The following OSBP2 variants were observed in gnomAD, a reference collection of about 807,000 sequenced individuals.
OSBP2 encodes oxysterol-binding protein 2.
OSBP2 carries 66 observed loss-of-function variants against 96.0 expected under a neutral mutation model. That is an observed-to-expected ratio of 0.69 (90% CI 0.56 to 0.84). The LOEUF (loss-of-function observed/expected upper bound fraction) is 0.84, where lower values mean the gene tolerates loss of function less well. OSBP2 is among the 40% of genes least tolerant of loss of function. OSBP2 has a pLI of 0.00. For synonymous variants in OSBP2, 525 were observed against 520.9 expected (o/e 1.01, Z -0.11); for missense variants, 1,038 against 1,222.7 (o/e 0.85, Z 2.25).
rs376447794 is a variant in OSBP2, at chr22:30,757,718, T to G, written c.853+16349T>G. 2.6e-5 allele frequency among the ~76,000 whole-genome samples: 4 copies of G among 151,966 alleles called. 1 individual carries two copies. In the East Asian group the frequency reaches 5.8e-4, roughly 22 times the overall value. Reference sequence around the variant, plus strand: ...CAGACATGAGCCACTGCACCCAGCCTTATTGCTGTTTTGTCACTCCTGTAG... The same window carrying G: ...CAGACATGAGCCACTGCACCCAGCCGTATTGCTGTTTTGTCACTCCTGTAG... On this transcript the variant is annotated intron_variant, in intron 2 of 13. Coordinates refer to ENST00000332585, the MANE Select transcript of OSBP2 (RefSeq NM_030758.4).
intron 2 of OSBP2, among the ~76,000 whole-genome samples, chr22:30,761,019 G>A (rs2090198853): frequency 6.6e-6 from 1 of 152,156 alleles, no homozygotes; most frequent in Non-Finnish European, 1.5e-5. Flanking sequence ...CATATGTAGT[G>A]ATAGAAGACT....
intron 12 of OSBP2, chr22:30,894,441 T>C (rs774919652): frequency 2.8e-4 from 45 of 160,680 alleles, no homozygotes; most frequent in South Asian, 2.1e-3. Context: ...GTGACAGAAC[T>C]GCATTTAAAG....
At chr22:30,708,152 T>C (rs145426250) in intron 1 of OSBP2, among the ~76,000 whole-genome samples, 2,110 of 152,034 alleles carry the variant, frequency 0.014, 44 homozygotes, top group African/African-American at 0.048. Flanking sequence ...CCTCCCAAAA[T>C]GCTGGGATTA....
intron 2 of OSBP2, among the ~76,000 whole-genome samples, chr22:30,744,785 CAAAT>C (rs1442788327): frequency 2.0e-5 from 3 of 151,042 alleles, no homozygotes; most frequent in Admixed American, 6.6e-5. Flanking sequence ...AACAAACAAA[CAAAT>C]AAATCAACTC....
rs535966550 is a variant in OSBP2 at position 30,877,739 on chromosome 22, C to A, written c.1107+7057C>A. Among the ~76,000 whole-genome samples, 10 of 152,358 alleles carry A rather than the reference C, an allele frequency of 6.6e-5. No individual in the cohort carries two copies. The South Asian group carries it at 1.7e-3, about 25-fold the overall frequency. On this transcript the variant is annotated intron_variant, in intron 3 of 13. Transcript: ENST00000332585. ...TTGTTCCTGCTGCTGTCCCTCCAGT[C>A]CCTGCAGGCGGGGCCCAGGCAAGAC...
intron 3 of OSBP2, among the ~76,000 whole-genome samples, chr22:30,882,196 G>C (rs960649671): frequency 1.3e-5 from 2 of 152,226 alleles, no homozygotes; most frequent in African/African-American, 4.8e-5. Context: ...CCTGAGGCTA[G>C]GGCTGGGCTC....
chr22:30,785,533 CTCCA>C, intron 2 of OSBP2, among the ~76,000 whole-genome samples: 1 of 148,610 alleles, frequency 6.7e-6, no homozygotes, highest in Non-Finnish European at 1.5e-5. Flanking sequence ...CGCCATTGCA[CTCCA>C]GTGTGGGTGA....
chr22:30,888,368 TC>T, intron 5 of OSBP2, 28 bp downstream of exon 5: 1 of 1,330,974 alleles, frequency 7.5e-7, no homozygotes, highest in Non-Finnish European at 1.1e-6. Context: ...GGGCAGAGCC[TC>T]CCCCACCCTG....
chr22:30,738,055 G>T (rs191783008), intron 1 of OSBP2, among the ~76,000 whole-genome samples: 188 of 151,308 alleles, frequency 1.2e-3, no homozygotes, highest in African/African-American at 4.5e-3. Flanking sequence ...ACTGAATTTA[G>T]TCCCTGCCTG....
intron 2 of OSBP2, among the ~76,000 whole-genome samples, chr22:30,846,444 C>A (rs1017954428): frequency 6.6e-5 from 10 of 152,152 alleles, no homozygotes; most frequent in Non-Finnish European, 1.3e-4. Flanking sequence ...AGCCACCGCA[C>A]CCAGCCTGAT....
chr22:30,759,306 C>T (rs1263147676), intron 2 of OSBP2, among the ~76,000 whole-genome samples: 1 of 152,158 alleles, frequency 6.6e-6, no homozygotes, highest in African/African-American at 2.4e-5. Context: ...CGAGATTGCA[C>T]CACTGCACTC....
intron 2 of OSBP2, among the ~76,000 whole-genome samples, chr22:30,809,111 G>A (rs1251067919): frequency 6.6e-6 from 1 of 152,200 alleles, no homozygotes; most frequent in African/African-American, 2.4e-5. Flanking sequence ...GAAGAGGCAA[G>A]GAAGGATTCT....
Position 30,870,989 on chromosome 22 carries a change from G to A in OSBP2, c.1107+307G>A, listed in dbSNP as rs1478083271. Among the ~76,000 whole-genome samples the A allele has an allele frequency of 6.6e-6, 1 of 152,152 alleles. No individual in the cohort carries two copies. Among genetic ancestry groups the A allele is most frequent in the Non-Finnish European group, 1.5e-5 (1 of 68,020 alleles). Reference sequence around the variant, plus strand: ...GAAGGTCGGGGCCCCAAGTTAAGTAGCTAGCCCAGCAGGTCAGTTCTGCCC... The same window carrying A: ...GAAGGTCGGGGCCCCAAGTTAAGTAACTAGCCCAGCAGGTCAGTTCTGCCC... On this transcript the variant is annotated intron_variant, in intron 3 of 13. Coordinates refer to ENST00000332585, the MANE Select transcript of OSBP2 (RefSeq NM_030758.4). This position sits in a 1 kb window ranked among gnomAD's most constrained non-coding sequence, Gnocchi z 4.1.
intron 2 of OSBP2, among the ~76,000 whole-genome samples, chr22:30,750,840 G>A (rs778903639): frequency 1.2e-4 from 19 of 152,184 alleles, no homozygotes; most frequent in Admixed American, 7.2e-4. Context: ...TGCCTCCCAG[G>A]TTCGAGCAAT....
chr22:30,780,333 C>T (rs1011303323), intron 2 of OSBP2, among the ~76,000 whole-genome samples: 8 of 152,228 alleles, frequency 5.3e-5, no homozygotes, highest in Non-Finnish European at 1.5e-5. Flanking sequence ...CATGCCACAG[C>T]TGCTGAGGAG....
intron 12 of OSBP2, among the ~76,000 whole-genome samples, chr22:30,900,518 A>T (rs1400912469): frequency 2.0e-5 from 3 of 152,078 alleles, no homozygotes; most frequent in Admixed American, 6.6e-5. Context: ...TTGAGGAATA[A>T]AGGGCCAAGA....
chr22:30,882,506 T>TAAA (rs11370269), intron 3 of OSBP2, among the ~76,000 whole-genome samples: 5,415 of 142,330 alleles, frequency 0.038, 257 homozygotes, highest in African/African-American at 0.11. Flanking sequence ...ATGCACACTA[T>TAAA]AAAAAAAAAA....
upstream of OSBP2, chr22:30,694,277 G>A: frequency 6.5e-7 from 1 of 1,549,876 alleles, no homozygotes; most frequent in Non-Finnish European, 8.7e-7. Flanking sequence ...TGGCTCAGGA[G>A]GTGGAGGCGG....
At chr22:30,894,102 TC>T in intron 12 of OSBP2, 101 bp downstream of exon 12, 1 of 956,208 alleles carries the variant, frequency 1.0e-6, no homozygotes, top group Non-Finnish European at 1.6e-6. Context: ...GAGGGTTCAG[TC>T]CACACATGGG....
Sources: gnomAD v4.1 joint callset for allele counts (sites outside exome capture counted in the v4.1 genomes callset) on GRCh38, gnomAD v4.1.1 for gene constraint, Gnocchi (gnomAD v3.1) non-coding constraint, MANE v1.5 for transcripts, NCBI Gene and HGNC (gene_info 2026-07-23, HGNC 2026-07-21) for gene names.